Variants in NPFFR2 observed in about 807,000 individuals in gnomAD.
NPFFR2 encodes the protein neuropeptide FF receptor 2, also known as G-protein coupled receptor 74.
NPFFR2 carries 15 observed loss-of-function variants against 13.1 expected under a neutral mutation model. That is an observed-to-expected ratio of 1.15 (90% confidence interval 0.77 to 1.76). The LOEUF (loss-of-function observed/expected upper bound fraction) is 1.76. Ranked by LOEUF, NPFFR2 falls within the 40% of genes most tolerant of loss-of-function variation. NPFFR2 has a pLI of 0.00. For synonymous variants in NPFFR2, 190 were observed against 175.7 expected (o/e 1.08, Z -0.65); for missense variants, 572 against 503.5 (o/e 1.14, Z -1.30).
chr4:72,075,180 A>G (rs9995041), intron 1 of NPFFR2, among the ~76,000 whole-genome samples: 136,751 of 152,078 alleles, frequency 0.9, 62,445 homozygotes, highest in Non-Finnish European at 0.98. Flanking sequence ...GTAGAAAAAC[A>G]TGAAAAGGTG....
chr4:72,036,722 A>C (rs1286628118), intron 1 of NPFFR2, among the ~76,000 whole-genome samples: 3 of 151,626 alleles, frequency 2.0e-5, no homozygotes, highest in Non-Finnish European at 4.4e-5. Flanking sequence ...GACTAATCTT[A>C]AGAATCTTAA....
chr4:72,051,191 G>A (rs1474700396), intron 1 of NPFFR2, among the ~76,000 whole-genome samples: 4 of 151,772 alleles, frequency 2.6e-5, no homozygotes, highest in Non-Finnish European at 5.9e-5. Flanking sequence ...TTGCCACACT[G>A]ACTTCCACAA....
intron 1 of NPFFR2, among the ~76,000 whole-genome samples, chr4:72,060,675 G>A (rs909727429): frequency 3.9e-5 from 6 of 152,082 alleles, no homozygotes; most frequent in South Asian, 4.2e-4. Context: ...AAGTATAGAC[G>A]TTGAGCTGAG....
chr4:72,147,684 C>T lies in NPFFR2; in HGVS notation c.1135C>T (p.Leu379Phe), dbSNP rs1722831839. The change falls in exon 4 of 4, where the codon CTT becomes TTT. Residue 379 changes from leucine to phenylalanine, a missense_variant. By Grantham distance (22) the Leu-to-Phe change is conservative. Transcript: ENST00000308744. ...SHVLINTSNQ[L>F]VQESTFQNPH... ...TGTGCTCATAAACACATCTAATCAGCTTGTCCAGGAATCTACATTTCAAAA... is the reference window on the plus strand; with the variant it reads ...TGTGCTCATAAACACATCTAATCAGTTTGTCCAGGAATCTACATTTCAAAA... 1.2e-6 allele frequency: 2 copies of T among 1,614,064 alleles called. No individual in the cohort carries two copies. Among genetic ancestry groups the T allele is most frequent in the Non-Finnish European group, 1.7e-6 (2 of 1,179,996 alleles).
At chr4:72,130,123 G>T (rs1221928979) in intron 2 of NPFFR2, among the ~76,000 whole-genome samples, 2 of 151,704 alleles carry the variant, frequency 1.3e-5, no homozygotes, top group African/African-American at 4.8e-5. Flanking sequence ...TAACAAAATG[G>T]AGTCTCCTAT....
At chr4:72,035,436 A>G (rs1719018075) in intron 1 of NPFFR2, among the ~76,000 whole-genome samples, 1 of 152,212 alleles carries the variant, frequency 6.6e-6, no homozygotes, top group Admixed American at 6.5e-5. Flanking sequence ...AGACCAGGAA[A>G]AGAGAGGGCC....
chr4:72,120,083 G>A (rs1721824935), intron 1 of NPFFR2, among the ~76,000 whole-genome samples: 1 of 152,176 alleles, frequency 6.6e-6, no homozygotes, highest in Non-Finnish European at 1.5e-5. Context: ...GGAGGCTCCA[G>A]CTTAGTGGGG....
At chr4:72,086,147 G>A (rs1424408911) in intron 1 of NPFFR2, among the ~76,000 whole-genome samples, 1 of 152,000 alleles carries the variant, frequency 6.6e-6, no homozygotes, top group Non-Finnish European at 1.5e-5. Context: ...GTTTTCCTTG[G>A]TATGCCCTAT....
intron 1 of NPFFR2, among the ~76,000 whole-genome samples, chr4:72,047,043 C>A (rs1382541769): frequency 6.6e-6 from 1 of 152,114 alleles, no homozygotes; most frequent in East Asian, 1.9e-4. Flanking sequence ...AGCAGCAAAG[C>A]ATTCAGGCTG....
chr4:72,142,687 C>G (rs1722668087), intron 3 of NPFFR2, among the ~76,000 whole-genome samples: 2 of 152,008 alleles, frequency 1.3e-5, no homozygotes, highest in Non-Finnish European at 2.9e-5. Flanking sequence ...GTAAAATTTC[C>G]CTATTTTTCA....
chr4:72,105,602 C>A (rs541030672), intron 1 of NPFFR2, among the ~76,000 whole-genome samples: 6 of 152,082 alleles, frequency 3.9e-5, no homozygotes, highest in African/African-American at 1.4e-4. Context: ...TTATAATTGA[C>A]TAACACCAGG....
At chr4:72,109,795 C>T (rs184819302) in intron 1 of NPFFR2, among the ~76,000 whole-genome samples, 1 of 152,062 alleles carries the variant, frequency 6.6e-6, no homozygotes, top group African/African-American at 2.4e-5. Flanking sequence ...CTTTGAACTG[C>T]TTTCATCTCT....
intron 1 of NPFFR2, among the ~76,000 whole-genome samples, chr4:72,118,688 T>C (rs1319071947): frequency 6.6e-6 from 1 of 152,066 alleles, no homozygotes; most frequent in East Asian, 1.9e-4. Context: ...GAAACAAAAA[T>C]TATATGATGA....
intron 1 of NPFFR2, among the ~76,000 whole-genome samples, chr4:72,092,437 T>C (rs1171039123): frequency 1.3e-5 from 2 of 152,176 alleles, no homozygotes; most frequent in East Asian, 3.8e-4. Context: ...CAGTGGCATA[T>C]TGAAGTCTCC....
chr4:72,052,447 C>T (rs549468087), intron 1 of NPFFR2, among the ~76,000 whole-genome samples: 1 of 150,140 alleles, frequency 6.7e-6, no homozygotes, highest in African/African-American at 2.5e-5. Context: ...ATTCAACAAC[C>T]CTTCATGCTA....
intron 1 of NPFFR2, among the ~76,000 whole-genome samples, chr4:72,082,498 T>C (rs1362472671): frequency 6.6e-6 from 1 of 152,216 alleles, no homozygotes; most frequent in African/African-American, 2.4e-5. Flanking sequence ...TTTCTTAAAC[T>C]GACATTTTAT....
At chr4:72,077,619 C>T (rs1460493193) in intron 1 of NPFFR2, among the ~76,000 whole-genome samples, 1 of 152,132 alleles carries the variant, frequency 6.6e-6, no homozygotes, top group Non-Finnish European at 1.5e-5. Flanking sequence ...ATCTTAAACA[C>T]TGAAATTGAA....
intron 1 of NPFFR2, among the ~76,000 whole-genome samples, chr4:72,098,984 T>A (rs937026561): frequency 6.6e-6 from 1 of 152,192 alleles, no homozygotes; most frequent in Non-Finnish European, 1.5e-5. Flanking sequence ...AGCACTGTGG[T>A]ATGCAGCATA....
chr4:72,058,005 G>T (rs992542250), intron 1 of NPFFR2, among the ~76,000 whole-genome samples: 1 of 152,040 alleles, frequency 6.6e-6, no homozygotes, highest in Non-Finnish European at 1.5e-5. Context: ...AAGACAGGAA[G>T]AGAGGATGGA....
Sources: gnomAD v4.1 joint callset for allele counts (sites outside exome capture counted in the v4.1 genomes callset) on GRCh38, gnomAD v4.1.1 for gene constraint, MANE v1.5 for transcripts, NCBI Gene and HGNC (gene_info 2026-07-23, HGNC 2026-07-21) for gene names.